Variants in GLIPR1L1 observed in about 807,000 individuals in gnomAD.
GLIPR1L1 encodes GLIPR1-like protein 1.
A neutral mutation model predicts 29.9 loss-of-function variants in GLIPR1L1; 26 were observed. That is an observed-to-expected ratio of 0.87 (90% CI 0.64 to 1.21). GLIPR1L1 has a LOEUF of 1.21. GLIPR1L1 is among the 50% of genes most tolerant of loss of function. GLIPR1L1 has a pLI of 0.00. For missense variants in GLIPR1L1, 305 were observed against 290.3 expected, an observed-to-expected ratio of 1.05 and a Z score of -0.37; for synonymous variants, 77 against 97.5, an observed-to-expected ratio of 0.79 and a Z score of 1.24.
chr12:75,346,122 A>G (rs2042428661), intron 2 of GLIPR1L1, among the ~76,000 whole-genome samples: 1 of 152,222 alleles, frequency 6.6e-6, no homozygotes. Context: ...TACATAGTGA[A>G]TATTTATTCT....
chr12:75,367,248 AAAC>A (rs1480538874), intron 4 of GLIPR1L1, among the ~76,000 whole-genome samples: 1 of 145,472 alleles, frequency 6.9e-6, no homozygotes, highest in Non-Finnish European at 1.5e-5. Flanking sequence ...TTAGGATCCT[AAAC>A]AACAACTTCC....
At chr12:75,351,546 T>C (rs1216457445) in intron 3 of GLIPR1L1, among the ~76,000 whole-genome samples, 1 of 145,196 alleles carries the variant, frequency 6.9e-6, no homozygotes, top group Non-Finnish European at 1.5e-5. Context: ...CTCTGTTTTG[T>C]TTTGTTTTTT....
chr12:75,366,873 ATT>A, intron 4 of GLIPR1L1: 1 of 701,492 alleles, frequency 1.4e-6, no homozygotes, highest in South Asian at 1.5e-5. Flanking sequence ...TTTAAAACTA[ATT>A]TTGTTGAGGG....
At chr12:75,344,152 A>G (rs913180712) in intron 2 of GLIPR1L1, among the ~76,000 whole-genome samples, 14 of 152,038 alleles carry the variant, frequency 9.2e-5, no homozygotes, top group African/African-American at 3.1e-4. Context: ...TTGTAAGTCT[A>G]TAACTTAAAT....
chr12:75,363,164 A>G lies in GLIPR1L1; in HGVS notation c.584A>G (p.Glu195Gly). 15 of 1,545,532 alleles carry G rather than the reference A, an allele frequency of 9.7e-6. No homozygotes were observed. The highest frequency in any genetic ancestry group is 1.4e-5 in the African/African-American group (1 of 71,182). ...GAATCTTGCTCTCTCTGCTCAAAAG[A>G]AGAGAAATGTGTAAAGAACCTCTGC... ...RGESCSLCSKEEKCVKNLCRT... is the reference protein window; with the variant it reads ...RGESCSLCSKGEKCVKNLCRT... The change falls in exon 4 of 6, where the codon GAA becomes GGA. Residue 195 changes from glutamate (E) to glycine (G), a missense_variant. Coordinates refer to ENST00000378695, the MANE Select transcript of GLIPR1L1 (RefSeq NM_001304964.2).
chr12:75,366,803 C>A, intron 4 of GLIPR1L1: 1 of 695,968 alleles, frequency 1.4e-6, no homozygotes, highest in Non-Finnish European at 2.6e-6. Context: ...AGGTCTATCA[C>A]CTCTGAGAGG....
At chr12:75,354,463 T>C (rs1002868995) in intron 3 of GLIPR1L1, among the ~76,000 whole-genome samples, 2 of 152,078 alleles carry the variant, frequency 1.3e-5, no homozygotes, top group Non-Finnish European at 2.9e-5. Flanking sequence ...TACAAACCAC[T>C]GCTCAAGGAA....
At chr12:75,342,034 C>T (rs1192860050) in intron 1 of GLIPR1L1, among the ~76,000 whole-genome samples, 1 of 152,118 alleles carries the variant, frequency 6.6e-6, no homozygotes, top group African/African-American at 2.4e-5. Flanking sequence ...TGAGTCACCA[C>T]GCCTGGCCAC....
At chr12:75,350,719 A>T (rs980013908) in intron 3 of GLIPR1L1, among the ~76,000 whole-genome samples, 29 of 152,342 alleles carry the variant, frequency 1.9e-4, no homozygotes, top group African/African-American at 7.0e-4. Context: ...TCAAAGGTAG[A>T]TAAACCCTTG....
At chr12:75,335,044 G>C in intron 1 of GLIPR1L1, 142 bp downstream of exon 1, 2 of 737,742 alleles carry the variant, frequency 2.7e-6, no homozygotes, top group Non-Finnish European at 4.4e-6. Context: ...TCACACCTTG[G>C]TTGGGCTGTC....
intron 3 of GLIPR1L1, chr12:75,359,852 A>T (rs1171206422): frequency 6.6e-6 from 1 of 152,162 alleles, no homozygotes; most frequent in African/African-American, 2.4e-5. Flanking sequence ...GTTCATTTTC[A>T]CACTGCTATA....
At position 75,344,289 on chromosome 12, in the gene GLIPR1L1, C is replaced by T. The variant is rs1036759331; in HGVS notation, c.420+351C>T. On this transcript the variant is annotated intron_variant, in intron 2 of 5. Coordinates refer to ENST00000378695, the MANE Select transcript of GLIPR1L1 (RefSeq NM_001304964.2). ...TGTAGAAAGCCACTTGAAGTTCTTC[C>T]CACATAAACTGATGCTCTTGTCTTT... Among the ~76,000 whole-genome samples, 11 of 152,094 alleles carry T rather than the reference C, an allele frequency of 7.2e-5. No individual in the cohort carries two copies. In the East Asian group the frequency reaches 9.7e-4, roughly 13 times the overall value.
chr12:75,338,377 T>A (rs2041873641), intron 1 of GLIPR1L1, among the ~76,000 whole-genome samples: 1 of 152,132 alleles, frequency 6.6e-6, no homozygotes, highest in South Asian at 2.1e-4. Flanking sequence ...GAAATCTGAC[T>A]TGGATTGGGG....
intron 1 of GLIPR1L1, among the ~76,000 whole-genome samples, chr12:75,336,277 A>G (rs2041733031): frequency 6.6e-6 from 1 of 151,900 alleles, no homozygotes; most frequent in African/African-American, 2.4e-5. Flanking sequence ...GGAAAACAGG[A>G]ACAAGGAACA....
At chr12:75,349,815 C>G (rs2042686010) in intron 3 of GLIPR1L1, among the ~76,000 whole-genome samples, 1 of 152,044 alleles carries the variant, frequency 6.6e-6, no homozygotes, top group African/African-American at 2.4e-5. Context: ...AAGACCCTAT[C>G]TCTTTAAAAA....
intron 3 of GLIPR1L1, among the ~76,000 whole-genome samples, chr12:75,359,689 C>G (rs922682301): frequency 6.6e-6 from 1 of 151,860 alleles, no homozygotes; most frequent in African/African-American, 2.4e-5. Context: ...ACATTGTTGA[C>G]CACATTATTT....
chr12:75,342,353 T>C (rs531427927), intron 1 of GLIPR1L1, among the ~76,000 whole-genome samples: 4 of 152,338 alleles, frequency 2.6e-5, no homozygotes, highest in African/African-American at 9.6e-5. Flanking sequence ...ATACTATTGT[T>C]ACAAAAAACA....
rs1047881765 is a variant in GLIPR1L1, at chr12:75,334,782, A to T, written c.54A>T (p.Val18=). Residue 18 remains valine (V), a synonymous_variant, in exon 1 of 6, where the codon GTA becomes GTT. Transcript: ENST00000378695. ...TATGGATCTTGGGTCTGTGTTTGGT[A>T]GCCACTACATCTTCCAAAATCCCAT... is the stretch of plus-strand genomic sequence containing the variant. ...SCLWILGLCL[V]ATTSSKIPSI... The T allele has an allele frequency of 3.1e-6, 5 of 1,614,008 alleles. No individual in the cohort carries two copies. In the African/African-American group the frequency reaches 4.0e-5, roughly 13 times the overall value.
At chr12:75,367,286 A>T (rs1397129608) in intron 4 of GLIPR1L1, among the ~76,000 whole-genome samples, 1 of 151,596 alleles carries the variant, frequency 6.6e-6, no homozygotes, top group African/African-American at 2.4e-5. Context: ...AAAAAAAAAA[A>T]AAAAGAACTT....
Sources: gnomAD v4.1 joint callset for allele counts (sites outside exome capture counted in the v4.1 genomes callset) on GRCh38, gnomAD v4.1.1 for gene constraint, MANE v1.5 for transcripts, NCBI Gene and HGNC (gene_info 2026-07-23, HGNC 2026-07-21) for gene names.